ITGAE: variants seen among roughly 807,000 people sequenced by gnomAD.
The protein encoded by ITGAE is integrin subunit alpha E.
ITGAE carries 99 observed loss-of-function variants against 136.5 expected under a neutral mutation model. That is an observed-to-expected ratio of 0.73 (90% CI 0.62 to 0.86). The LOEUF is 0.86. Among genes scored for constraint, ITGAE ranks in the 40% least tolerant of loss-of-function variants. The pLI is 0.00. For missense variants in ITGAE, 1,447 were observed against 1,515.3 expected (o/e 0.95, Z 0.75); for synonymous variants, 613 against 591.8 (o/e 1.04, Z -0.52).
intron 2 of ITGAE, among the ~76,000 whole-genome samples, chr17:3,776,631 TC>T (rs2052546351): frequency 6.6e-6 from 1 of 151,882 alleles, no homozygotes; most frequent in Admixed American, 6.6e-5. Context: ...CAATCACGGC[TC>T]CCTACAGCCT....
At chr17:3,723,051 G>A (rs765666331) in intron 28 of ITGAE, among the ~76,000 whole-genome samples, 48 of 152,206 alleles carry the variant, frequency 3.2e-4, no homozygotes, top group Non-Finnish European at 6.2e-4. Context: ...TGGAATAGAC[G>A]TGGGGATGTA....
intron 26 of ITGAE, 42 bp downstream of exon 26, chr17:3,727,877 T>G (rs777172532): frequency 8.4e-7 from 1 of 1,187,830 alleles, no homozygotes; most frequent in East Asian, 2.3e-5. Flanking sequence ...CTGTAGTCAC[T>G]GTGGAAAGAG....
rs148254647 is a variant in ITGAE, at chr17:3,751,853, G to A, written c.1690C>T (p.Arg564Cys). Residue 564 changes from arginine to cysteine, a missense_variant, in exon 15 of 31, where the codon CGC becomes TGC. Coordinates refer to ENST00000263087, the MANE Select transcript of ITGAE (RefSeq NM_002208.5). ...SEQDGSFSLA[R>C]ILSGHPGFTN... Reference sequence around the variant, plus strand: ...AACCCGGGGTGCCCACTCAGTATGCGTGCCAAGGAGAAAGAACCATCCTGT... The same window carrying A: ...AACCCGGGGTGCCCACTCAGTATGCATGCCAAGGAGAAAGAACCATCCTGT... 21 of 1,613,854 alleles carry A rather than the reference G, an allele frequency of 1.3e-5. No individual in the cohort carries two copies. In the South Asian group the frequency reaches 1.4e-4, roughly 11 times the overall value.
rs1031519800 is a variant in ITGAE at position 3,799,540 on chromosome 17, TGG to T, written c.34+1569_34+1570del. On this transcript the variant is annotated intron_variant, in intron 1 of 30. Transcript: ENST00000263087. This position sits in a 1 kb window ranked among gnomAD's most constrained non-coding sequence, Gnocchi z 4.1. ...GGAGCTGGGAGGCAGGACAGAGGCC[TGG>T]GCTTGAGCCTCGTGTCTATTATCAG... is the stretch of plus-strand genomic sequence containing the variant. Among the ~76,000 whole-genome samples the T allele has an allele frequency of 2.0e-5, 3 of 152,130 alleles. No individual in the cohort carries two copies. The highest frequency in any genetic ancestry group is 4.4e-5 in the Non-Finnish European group (3 of 68,030).
chr17:3,773,732 A>G (rs1365569057), intron 2 of ITGAE, among the ~76,000 whole-genome samples: 1 of 152,078 alleles, frequency 6.6e-6, no homozygotes, highest in East Asian at 1.9e-4. Flanking sequence ...CTAAACCTTC[A>G]GCCCTTCTCT....
At chr17:3,773,115 G>T (rs981162168) in intron 2 of ITGAE, among the ~76,000 whole-genome samples, 1 of 152,164 alleles carries the variant, frequency 6.6e-6, no homozygotes, top group Non-Finnish European at 1.5e-5. Flanking sequence ...CAGGGTTTCT[G>T]GGACCCTTTC....
At chr17:3,729,080 T>C (rs747524048) in intron 24 of ITGAE, among the ~76,000 whole-genome samples, 1 of 150,980 alleles carries the variant, frequency 6.6e-6, no homozygotes, top group Non-Finnish European at 1.5e-5. Flanking sequence ...AATGTCAAAA[T>C]ATAAAGTGGT....
intron 19 of ITGAE, among the ~76,000 whole-genome samples, chr17:3,741,277 C>T (rs1428736718): frequency 1.7e-4 from 26 of 148,664 alleles, no homozygotes; most frequent in Admixed American, 2.0e-4. Flanking sequence ...TTAGTAGAGA[C>T]GGGGTTTCAC....
intron 1 of ITGAE, among the ~76,000 whole-genome samples, chr17:3,794,942 C>T (rs575281563): frequency 3.9e-5 from 6 of 152,278 alleles, no homozygotes; most frequent in African/African-American, 1.2e-4. Flanking sequence ...CCGCTCTGCC[C>T]GGCGCACCCT....
intron 1 of ITGAE, among the ~76,000 whole-genome samples, chr17:3,800,417 C>T (rs980320831): frequency 1.3e-5 from 2 of 152,182 alleles, no homozygotes; most frequent in African/African-American, 2.4e-5. Context: ...CCCTGGCCTC[C>T]GGCTTAATCT....
chr17:3,774,980 A>G (rs1464799515), intron 2 of ITGAE, among the ~76,000 whole-genome samples: 2 of 151,842 alleles, frequency 1.3e-5, no homozygotes, highest in African/African-American at 4.8e-5. Flanking sequence ...TCGTTCTGTC[A>G]CCCAGGCTGA....
At chr17:3,748,465 T>C (rs2051776230) in intron 16 of ITGAE, among the ~76,000 whole-genome samples, 1 of 152,070 alleles carries the variant, frequency 6.6e-6, no homozygotes, top group Non-Finnish European at 1.5e-5. Flanking sequence ...CGGGCGCCTG[T>C]AATCCCACCT....
chr17:3,724,213 G>T, intron 26 of ITGAE: 1 of 1,593,110 alleles, frequency 6.3e-7, no homozygotes, highest in Non-Finnish European at 8.5e-7. Context: ...GACCGGCCCA[G>T]CCTGACCGTG....
chr17:3,756,215 A>G (rs1235441754), intron 10 of ITGAE, among the ~76,000 whole-genome samples: 2 of 102,466 alleles, frequency 2.0e-5, no homozygotes, highest in Middle Eastern at 6.0e-3. Flanking sequence ...GCCTGGGGAT[A>G]TTGTTGGCCT....
intron 10 of ITGAE, 62 bp downstream of exon 10, chr17:3,756,922 A>G (rs905320833): frequency 1.3e-6 from 2 of 1,545,902 alleles, no homozygotes; most frequent in Non-Finnish European, 8.8e-7. Context: ...AAGATGGGAC[A>G]GAGGCCGGGC....
At chr17:3,800,316 T>A (rs778358440) in intron 1 of ITGAE, among the ~76,000 whole-genome samples, 1 of 151,998 alleles carries the variant, frequency 6.6e-6, no homozygotes, top group Non-Finnish European at 1.5e-5. Context: ...TTCATCCACA[T>A]AAGCTTGATG....
chr17:3,728,985 G>A (rs544949167), intron 24 of ITGAE, among the ~76,000 whole-genome samples: 26 of 151,502 alleles, frequency 1.7e-4, no homozygotes, highest in African/African-American at 5.3e-4. Flanking sequence ...GCAGTGAGCC[G>A]AGATGGCACC....
chr17:3,794,774 C>T (rs1040726381), intron 1 of ITGAE, among the ~76,000 whole-genome samples: 1 of 152,152 alleles, frequency 6.6e-6, no homozygotes, highest in African/African-American at 2.4e-5. Flanking sequence ...CAGCAAACTG[C>T]CTAGAGGAGA....
rs267604855 is a variant in ITGAE at position 3,755,893 on chromosome 17, C to T, written c.1176G>A (p.Thr392=). ...LRYNIISMEG[T]VGDALHYQLA... The stretch of plus-strand genomic sequence containing the variant: ...GCTGGTAGTGAAGGGCGTCTCCAAC[C>T]GTGCCTGCAAGCCAAGAAGCCCAGT... The change falls in exon 11 of 31, where the codon ACG becomes ACA. Residue 392 remains threonine, a synonymous_variant. Coordinates refer to ENST00000263087, the MANE Select transcript of ITGAE (RefSeq NM_002208.5). 5.0e-6 allele frequency: 8 copies of T among 1,594,680 alleles called. No homozygotes were observed. The highest frequency in any genetic ancestry group is 1.3e-5 in the African/African-American group (1 of 74,804).
Sources: allele counts gnomAD v4.1 joint callset (sites outside exome capture counted in the v4.1 genomes callset), GRCh38; gene constraint gnomAD v4.1.1; non-coding constraint Gnocchi (gnomAD v3.1); transcripts MANE v1.5; gene names NCBI Gene and HGNC (gene_info 2026-07-23, HGNC 2026-07-21).